The following MGAT4C variants were observed in gnomAD, a reference collection of about 807,000 sequenced individuals.
MGAT4C encodes MGAT4 family member C, also known as alpha-1,3-mannosyl-glycoprotein 4-beta-N-acetylglucosaminyltransferase C.
Under a neutral mutation model 40.1 loss-of-function variants are expected in MGAT4C, and 19 were observed. The observed-to-expected ratio is 0.47, with a 90% CI of 0.33 to 0.70. The LOEUF is 0.70. Ranked by LOEUF, MGAT4C falls within the 30% of genes least tolerant of loss-of-function variation. The pLI, the probability that MGAT4C is intolerant of heterozygous loss-of-function variation, is 0.02. For synonymous variants in MGAT4C, 181 were observed against 187.1 expected, an observed-to-expected ratio of 0.97 and a Z score of 0.27; for missense variants, 491 against 563.2, an observed-to-expected ratio of 0.87 and a Z score of 1.30.
intron 2 of MGAT4C, among the ~76,000 whole-genome samples, chr12:86,482,913 G>A (rs1173436892): frequency 6.6e-6 from 1 of 152,042 alleles, no homozygotes; most frequent in Admixed American, 6.6e-5. Flanking sequence ...AGAATAACTG[G>A]GTTTAATGCT....
At chr12:86,427,584 T>C (rs1347833038) in intron 3 of MGAT4C, among the ~76,000 whole-genome samples, 2 of 152,108 alleles carry the variant, frequency 1.3e-5, no homozygotes, top group African/African-American at 4.8e-5. Context: ...AGATAAGCTT[T>C]CACATCCTTA....
At chr12:86,795,872 T>G (rs1952106516) in intron 1 of MGAT4C, among the ~76,000 whole-genome samples, 1 of 152,010 alleles carries the variant, frequency 6.6e-6, no homozygotes. Context: ...TCTGCAGATC[T>G]TTTTATGAAT....
At chr12:86,338,982 ACAG>A (rs1156931753) in intron 3 of MGAT4C, among the ~76,000 whole-genome samples, 85 of 146,866 alleles carry the variant, frequency 5.8e-4, no homozygotes, top group African/African-American at 1.9e-3. Flanking sequence ...AAAAAAAAAA[ACAG>A]AGAGAAAGAG....
At chr12:86,109,426 A>G (rs1876818646) in intron 1 of MGAT4C, among the ~76,000 whole-genome samples, 1 of 152,156 alleles carries the variant, frequency 6.6e-6, no homozygotes, top group South Asian at 2.1e-4. Context: ...TAAACAGAAG[A>G]AAACAGAAAT....
At chr12:86,406,055 A>G (rs1259875076) in intron 3 of MGAT4C, among the ~76,000 whole-genome samples, 1 of 145,740 alleles carries the variant, frequency 6.9e-6, no homozygotes, top group Non-Finnish European at 1.5e-5. Context: ...ATTATTATAT[A>G]TATACAGTAA....
intron 1 of MGAT4C, among the ~76,000 whole-genome samples, chr12:86,092,904 G>A (rs750077280): frequency 1.3e-5 from 2 of 151,830 alleles, no homozygotes; most frequent in Non-Finnish European, 2.9e-5. Flanking sequence ...TGTGCAGAAC[G>A]TGCAGGTTTG....
chr12:86,305,308 G>A (rs1047893943), intron 4 of MGAT4C, among the ~76,000 whole-genome samples: 6 of 149,826 alleles, frequency 4.0e-5, no homozygotes, highest in Non-Finnish European at 5.9e-5. Context: ...GCATGGTGGC[G>A]CATGCCTGTA....
intron 2 of MGAT4C, among the ~76,000 whole-genome samples, chr12:86,665,623 G>T (rs1445687828): frequency 1.3e-5 from 2 of 152,146 alleles, no homozygotes; most frequent in East Asian, 3.9e-4. Context: ...CACCCACCTC[G>T]GCCTCCCAAA....
chr12:86,413,971 T>C (rs984977563), intron 3 of MGAT4C, among the ~76,000 whole-genome samples: 3 of 152,096 alleles, frequency 2.0e-5, no homozygotes, highest in Admixed American at 6.6e-5. Context: ...GTAACCAGAA[T>C]TGTCAGCACA....
chr12:86,450,826 T>A (rs1224840414), intron 2 of MGAT4C, among the ~76,000 whole-genome samples: 1 of 152,192 alleles, frequency 6.6e-6, no homozygotes, highest in African/African-American at 2.4e-5. Context: ...ACATACACGT[T>A]TGTATACACA....
At chr12:86,412,876 T>A (rs1956633170) in intron 3 of MGAT4C, among the ~76,000 whole-genome samples, 1 of 152,198 alleles carries the variant, frequency 6.6e-6, no homozygotes, top group African/African-American at 2.4e-5. Flanking sequence ...GATTGGATCA[T>A]CAGGGTGGAC....
intron 1 of MGAT4C, among the ~76,000 whole-genome samples, chr12:86,197,744 C>T (rs1298485878): frequency 3.9e-5 from 6 of 152,112 alleles, no homozygotes; most frequent in Admixed American, 2.6e-4. Context: ...ACATTTTTAA[C>T]TGGAAACATC....
At chr12:86,290,937 G>A (rs768799386) in intron 4 of MGAT4C, among the ~76,000 whole-genome samples, 1 of 151,926 alleles carries the variant, frequency 6.6e-6, no homozygotes, top group Non-Finnish European at 1.5e-5. Flanking sequence ...AAGTGAAAGG[G>A]AATAAGGAAG....
At chr12:86,650,363 T>G (rs1963661662) in intron 2 of MGAT4C, among the ~76,000 whole-genome samples, 1 of 151,844 alleles carries the variant, frequency 6.6e-6, no homozygotes, top group Non-Finnish European at 1.5e-5. Flanking sequence ...TGTTATGGGC[T>G]CAAAGAGGAA....
intron 1 of MGAT4C, among the ~76,000 whole-genome samples, chr12:86,800,175 C>T (rs1385672109): frequency 1.3e-5 from 2 of 151,856 alleles, no homozygotes; most frequent in East Asian, 3.9e-4. Context: ...AGGAAGAAAG[C>T]AGAGTATTTC....
At chr12:86,657,315 A>T (rs560435264) in intron 2 of MGAT4C, among the ~76,000 whole-genome samples, 3 of 152,040 alleles carry the variant, frequency 2.0e-5, no homozygotes, top group Non-Finnish European at 4.4e-5. Context: ...CTTATGCTGA[A>T]ATCCTTCATT....
intron 2 of MGAT4C, among the ~76,000 whole-genome samples, chr12:86,049,230 T>C (rs1288656114): frequency 6.6e-6 from 1 of 152,022 alleles, no homozygotes; most frequent in Non-Finnish European, 1.5e-5. Flanking sequence ...CTTGTGAGAA[T>C]TGTAAGATTC....
intron 1 of MGAT4C, among the ~76,000 whole-genome samples, chr12:86,750,515 A>G (rs1300214834): frequency 6.6e-6 from 1 of 151,888 alleles, no homozygotes; most frequent in Non-Finnish European, 1.5e-5. Context: ...AACACAACAA[A>G]ACAAACTTGT....
At chr12:86,091,671 T>C (rs1169028395) in intron 1 of MGAT4C, among the ~76,000 whole-genome samples, 1 of 152,132 alleles carries the variant, frequency 6.6e-6, no homozygotes, top group Non-Finnish European at 1.5e-5. Flanking sequence ...TTTATGCTAT[T>C]CTATTGAAAA....
Sources: allele counts gnomAD v4.1 joint callset (sites outside exome capture counted in the v4.1 genomes callset), GRCh38; gene constraint gnomAD v4.1.1; transcripts MANE v1.5; gene names NCBI Gene and HGNC (gene_info 2026-07-23, HGNC 2026-07-21).